The following HEXD variants were observed in gnomAD, a reference collection of about 807,000 sequenced individuals.
HEXD encodes the protein N-acetyl-beta-galactosaminidase.
In HEXD, 47 loss-of-function variants were observed where a neutral mutation model predicts 54.2. The ratio of observed to expected loss-of-function variants is 0.87; its 90% CI spans 0.69 to 1.11. HEXD has a LOEUF of 1.11. Among genes scored for constraint, HEXD ranks in the 50% least tolerant of loss-of-function variants. The probability of loss-of-function intolerance (pLI) is 0.00; values close to 1 mark genes in which losing one functional copy is unlikely to be tolerated. For synonymous variants in HEXD, 293 were observed against 287.6 expected (o/e 1.02, Z -0.19); for missense variants, 576 against 649.2 (o/e 0.89, Z 1.23).
chr17:82,419,262 C>G (rs2053159741), intron 1 of HEXD, among the ~76,000 whole-genome samples: 1 of 152,166 alleles, frequency 6.6e-6, no homozygotes, highest in East Asian at 1.9e-4. Flanking sequence ...ACAGTTTTCT[C>G]CAACCTGGAG....
At chr17:82,428,679 G>C in intron 4 of HEXD, 34 bp downstream of exon 4, 1 of 1,580,414 alleles carries the variant, frequency 6.3e-7, no homozygotes, top group Non-Finnish European at 8.7e-7. Context: ...CCTGGTGCCA[G>C]GTGTGGGGTC....
In HEXD at chr17:82,441,120, T is replaced by C. The variant is rs759029606; in HGVS notation, c.1061+45T>C. On this transcript the variant is annotated intron_variant, in intron 10 of 12. Transcript: ENST00000327949. The stretch of plus-strand genomic sequence containing the variant: ...CCCTGTCCCCTTCTTCCCCTCCCCT[T>C]CCCCCGCCCGTGGAGACAGCTGTTC... The C allele has an allele frequency of 2.5e-6, 4 of 1,613,112 alleles. No homozygotes were observed. The South Asian group carries it at 4.4e-5, about 18-fold the overall frequency.
At chr17:82,429,822 A>G (rs907928977) in intron 4 of HEXD, among the ~76,000 whole-genome samples, 1 of 151,776 alleles carries the variant, frequency 6.6e-6, no homozygotes, top group Admixed American at 6.6e-5. Flanking sequence ...AGATGGTGCC[A>G]TTTCTGCTCC....
At position 82,434,131 on chromosome 17, in the gene HEXD, G is replaced by A. The variant is rs2053691598; in HGVS notation, c.447+309G>A. Among the ~76,000 whole-genome samples the A allele has an allele frequency of 6.6e-6, 1 of 152,236 alleles. No homozygotes were observed. Among genetic ancestry groups the A allele is most frequent in the Non-Finnish European group, 1.5e-5 (1 of 68,040 alleles). ...TCAGACGAGACCACCCCGGGCGGCT[G>A]GGCTGGCGGAAGCCTGTGGGTGATG... On this transcript the variant is annotated intron_variant, in intron 5 of 12. Coordinates refer to ENST00000327949, the MANE Select transcript of HEXD (RefSeq NM_001330542.2). The surrounding 1 kb of genome is among the most constrained non-coding windows in gnomAD (Gnocchi z 4.5).
At chr17:82,428,724 G>C in intron 4 of HEXD, 79 bp downstream of exon 4, 1 of 1,249,278 alleles carries the variant, frequency 8.0e-7, no homozygotes. Context: ...TTGTGCCCAG[G>C]GGTGGGTGCA....
At chr17:82,425,053 A>AGAAGGCTG (rs1567884025) in intron 3 of HEXD, among the ~76,000 whole-genome samples, 1 of 144,404 alleles carries the variant, frequency 6.9e-6, no homozygotes, top group African/African-American at 2.6e-5. Context: ...GGAGGAGGCC[A>AGAAGGCTG]GAGAAGGCTG....
chr17:82,436,884 A>G (rs1370024859), intron 7 of HEXD, 146 bp downstream of exon 7: 2 of 730,776 alleles, frequency 2.7e-6, no homozygotes, highest in African/African-American at 3.5e-5. Flanking sequence ...ACCCCAGCCC[A>G]TGGTGCCTCG....
At chr17:82,422,533 A>G (rs2053266706) in intron 2 of HEXD, among the ~76,000 whole-genome samples, 1 of 152,136 alleles carries the variant, frequency 6.6e-6, no homozygotes, top group Admixed American at 6.6e-5. Context: ...AATCAGACAA[A>G]AGGAGGTTGT....
At position 82,423,091 on chromosome 17, in the gene HEXD, T is replaced by C. The variant is rs146174568; in HGVS notation, c.85-1303T>C. 1.2e-3 allele frequency among the ~76,000 whole-genome samples: 188 copies of C among 152,086 alleles called. 1 individual carries two copies. The highest frequency in any genetic ancestry group is 4.2e-3 in the African/African-American group (176 of 41,484). ...AAAGAAAGGAAAGGCGTTCTGACAA[T>C]TGAATATAGGCAAAGAAGATCCAAC... On this transcript the variant is annotated intron_variant, in intron 2 of 12. Coordinates refer to ENST00000327949, the MANE Select transcript of HEXD (RefSeq NM_001330542.2).
chr17:82,424,310 A>G, intron 2 of HEXD, 84 bp from the exon 3 acceptor site: 1 of 843,638 alleles, frequency 1.2e-6, no homozygotes. Flanking sequence ...ACAGGCTGAA[A>G]GGGAAGGCGT....
chr17:82,441,214 CAA>C lies in HEXD; in HGVS notation c.1112_1113del (p.Gln371ArgfsTer172), dbSNP rs1888365432. On this transcript the variant is annotated frameshift_variant, in exon 11 of 13. Transcript: ENST00000327949. LOFTEE classifies it high-confidence loss of function. ...PGSNILALVT[Q>X]VSLHLRSSVD... Reference sequence around the variant, plus strand: ...CAGCAACATCCTTGCCCTTGTCACACAAGTCAGCCTCCATCTGCGCAGCTCTG... The same window carrying C: ...CAGCAACATCCTTGCCCTTGTCACACGTCAGCCTCCATCTGCGCAGCTCTG... 6.8e-6 allele frequency: 11 copies of C among 1,612,964 alleles called. No individual in the cohort carries two copies. Among genetic ancestry groups the C allele is most frequent in the African/African-American group, 1.3e-5 (1 of 74,888 alleles).
chr17:82,442,044 C>A lies in HEXD; in HGVS notation c.1254-133C>A. 7.5e-7 allele frequency: 1 copy of A among 1,331,042 alleles called. No individual in the cohort carries two copies. Among genetic ancestry groups the A allele is most frequent in the Non-Finnish European group, 1.0e-6 (1 of 957,152 alleles). 82.5% of individuals were successfully genotyped at this position (1,331,042 alleles called of 1,614,324 possible). A position where few individuals can be genotyped will look rare whatever the true frequency, so the allele number is the denominator to read the frequency against. On this transcript the variant is annotated intron_variant, in intron 12 of 12. Coordinates refer to ENST00000327949, the MANE Select transcript of HEXD (RefSeq NM_001330542.2). This position sits in a 1 kb window ranked among gnomAD's most constrained non-coding sequence, Gnocchi z 6.8. ...GTGCAGCTGTCACCGACTTGTTCCTCCCGACATGCCGATGAGGTAGGGTCA... is the reference window on the plus strand; with the variant it reads ...GTGCAGCTGTCACCGACTTGTTCCTACCGACATGCCGATGAGGTAGGGTCA...
chr17:82,418,427 C>G lies in HEXD; in HGVS notation c.-365C>G, dbSNP rs1213987879. On this transcript the variant is annotated 5_prime_UTR_variant, in exon 1 of 13. Coordinates refer to ENST00000327949, the MANE Select transcript of HEXD (RefSeq NM_001330542.2). ...TCACCGCTACCTGCTCCGGTTCCGG[C>G]GCTCGGCCGCTCCGTTGCCCTCGGG... 5 of 1,478,004 alleles carry G rather than the reference C, an allele frequency of 3.4e-6. No homozygotes were observed. The highest frequency in any genetic ancestry group is 4.5e-6 in the Non-Finnish European group (5 of 1,120,242). 91.6% of individuals were successfully genotyped at this position (1,478,004 alleles called of 1,614,324 possible).
intron 2 of HEXD, among the ~76,000 whole-genome samples, chr17:82,422,513 G>C (rs1441345757): frequency 6.7e-6 from 1 of 150,196 alleles, no homozygotes; most frequent in African/African-American, 2.5e-5. Flanking sequence ...AAAAAGCCCA[G>C]AAATGTGGTA....
intron 8 of HEXD, among the ~76,000 whole-genome samples, chr17:82,438,744 G>A (rs888175085): frequency 3.3e-5 from 5 of 152,238 alleles, no homozygotes; most frequent in Admixed American, 1.3e-4. Context: ...GGTGGGGACC[G>A]CAGAGCCTGG....
chr17:82,418,519 G>C lies in HEXD; in HGVS notation c.-273G>C. 1 of 1,273,614 alleles carries C rather than the reference G, an allele frequency of 7.9e-7. No homozygotes were observed. The highest frequency in any genetic ancestry group is 1.0e-6 in the Non-Finnish European group (1 of 995,906). The allele number at this position is 1,273,614 out of a possible 1,614,324, so 78.9% of individuals were successfully genotyped here. On this transcript the variant is annotated 5_prime_UTR_variant, in exon 1 of 13. Coordinates refer to ENST00000327949, the MANE Select transcript of HEXD (RefSeq NM_001330542.2). ...GCCGCCGCGGAGCCGGGCCGGACGC[G>C]GGCGCCAGGCCCGGGGACGAACGCC... is the stretch of plus-strand genomic sequence containing the variant.
chr17:82,441,794 C>T lies in HEXD; in HGVS notation c.1164-6C>T. On this transcript the variant is annotated splice_region_variant and splice_polypyrimidine_tract_variant and intron_variant, in intron 11 of 12. Transcript: ENST00000327949. ...CGCGGCACACCCCTATGTGGATTTGCCCCAGGTATGTCACTGGCTGGTTCA... is the reference window on the plus strand; with the variant it reads ...CGCGGCACACCCCTATGTGGATTTGTCCCAGGTATGTCACTGGCTGGTTCA... The T allele has an allele frequency of 6.2e-7, 1 of 1,612,962 alleles. No homozygotes were observed. The highest frequency in any genetic ancestry group is 8.5e-7 in the Non-Finnish European group (1 of 1,179,656).
In HEXD at chr17:82,442,456, T is replaced by C. The variant is rs1329911915; in HGVS notation, c.*72T>C. On this transcript the variant is annotated 3_prime_UTR_variant, in exon 13 of 13. Coordinates refer to ENST00000327949, the MANE Select transcript of HEXD (RefSeq NM_001330542.2). This position sits in a 1 kb window ranked among gnomAD's most constrained non-coding sequence, Gnocchi z 6.8. ...CTGCACTGCCAAATGGCCTGGGCAATACGGGCCCACGTGGGCGTCGTGCCC... is the reference window on the plus strand; with the variant it reads ...CTGCACTGCCAAATGGCCTGGGCAACACGGGCCCACGTGGGCGTCGTGCCC... The C allele has an allele frequency of 3.7e-6, 6 of 1,608,910 alleles. No homozygotes were observed. The highest frequency in any genetic ancestry group is 2.2e-5 in the South Asian group (2 of 91,024).
In HEXD at chr17:82,419,891, C is replaced by T. The variant is rs763503533; in HGVS notation, c.84+8C>T. 3.9e-6 allele frequency: 6 copies of T among 1,557,328 alleles called. No homozygotes were observed. Among genetic ancestry groups the T allele is most frequent in the Non-Finnish European group, 4.4e-6 (5 of 1,129,258 alleles). On this transcript the variant is annotated splice_region_variant and intron_variant, in intron 2 of 12. Transcript: ENST00000327949. Reference sequence around the variant, plus strand: ...GTCTCGTACCTCTCAGAGGTAAGGACTCCCTTTTACCTCTAGAGCATTACT... The same window carrying T: ...GTCTCGTACCTCTCAGAGGTAAGGATTCCCTTTTACCTCTAGAGCATTACT...
Sources: allele counts gnomAD v4.1 joint callset (sites outside exome capture counted in the v4.1 genomes callset), GRCh38; gene constraint gnomAD v4.1.1; non-coding constraint Gnocchi (gnomAD v3.1); transcripts MANE v1.5; gene names NCBI Gene and HGNC (gene_info 2026-07-23, HGNC 2026-07-21).